The following SEMA6D variants were observed in gnomAD, a reference collection of about 807,000 sequenced individuals.
SEMA6D encodes semaphorin-6D.
Under a neutral mutation model 106.6 loss-of-function variants are expected in SEMA6D, and 35 were observed. The observed-to-expected ratio is 0.33, with a 90% confidence interval of 0.25 to 0.44. SEMA6D has a LOEUF of 0.44. Among genes scored for constraint, SEMA6D ranks in the 20% least tolerant of loss-of-function variants. The pLI, the probability that SEMA6D is intolerant of heterozygous loss-of-function variation, is 1.00. For synonymous variants in SEMA6D, 499 were observed against 487.7 expected (o/e 1.02, Z -0.31); for missense variants, 1,185 against 1,345.9 (o/e 0.88, Z 1.87).
chr15:47,281,790 A>G (rs1283512256), intron 1 of SEMA6D, among the ~76,000 whole-genome samples: 1 of 152,148 alleles, frequency 6.6e-6, no homozygotes, highest in East Asian at 1.9e-4. Context: ...TTGTTGTAAC[A>G]TTCTGGAACC....
chr15:47,377,008 T>TG (rs2145531870), intron 1 of SEMA6D, among the ~76,000 whole-genome samples: 1 of 152,328 alleles, frequency 6.6e-6, no homozygotes, highest in African/African-American at 2.4e-5. Flanking sequence ...TATAATTACT[T>TG]GCCAGGCAGC....
intron 1 of SEMA6D, among the ~76,000 whole-genome samples, chr15:47,378,123 G>T (rs1478406144): frequency 6.6e-6 from 1 of 152,154 alleles, no homozygotes. Context: ...AGCAAGGGTG[G>T]CTTCCAAAAG....
intron 2 of SEMA6D, among the ~76,000 whole-genome samples, chr15:47,413,856 C>A (rs2040876898): frequency 6.6e-6 from 1 of 152,146 alleles, no homozygotes; most frequent in Admixed American, 6.6e-5. Context: ...GTGCACTGAG[C>A]AAAATGTGAC....
intron 4 of SEMA6D, among the ~76,000 whole-genome samples, chr15:47,708,727 A>T (rs2078960754): frequency 6.6e-6 from 1 of 152,216 alleles, no homozygotes; most frequent in South Asian, 2.1e-4. Flanking sequence ...AAAACATGTT[A>T]ATAAAGTTAC....
intron 1 of SEMA6D, among the ~76,000 whole-genome samples, chr15:47,301,620 G>A (rs1025889658): frequency 6.6e-6 from 1 of 152,230 alleles, no homozygotes; most frequent in Admixed American, 6.5e-5. Flanking sequence ...GCTGCCTTTA[G>A]CAGGAAGCAG....
At chr15:47,336,486 T>C (rs74367902) in intron 1 of SEMA6D, among the ~76,000 whole-genome samples, 2,511 of 152,296 alleles carry the variant, frequency 0.016, 61 homozygotes, top group African/African-American at 0.057. Flanking sequence ...CTACTGGGAC[T>C]TTGGACTGGA....
intron 1 of SEMA6D, among the ~76,000 whole-genome samples, chr15:47,275,382 T>G (rs999011288): frequency 2.6e-5 from 4 of 152,184 alleles, no homozygotes; most frequent in African/African-American, 9.7e-5. Context: ...AGATGTTGCA[T>G]TTTTTACAAA....
intron 3 of SEMA6D, among the ~76,000 whole-genome samples, chr15:47,590,351 C>G (rs1002273325): frequency 1.9e-5 from 2 of 107,466 alleles, no homozygotes; most frequent in African/African-American, 3.7e-5. Flanking sequence ...AGACACAGGG[C>G]GGGGAACATC....
intron 1 of SEMA6D, among the ~76,000 whole-genome samples, chr15:47,366,289 G>A (rs1015280764): frequency 4.6e-5 from 7 of 152,130 alleles, no homozygotes; most frequent in African/African-American, 1.7e-4. Context: ...GTGACTTCAG[G>A]GGAGCCATTC....
chr15:47,382,512 G>GA (rs1164146039), intron 1 of SEMA6D, among the ~76,000 whole-genome samples: 8 of 147,964 alleles, frequency 5.4e-5, no homozygotes, highest in African/African-American at 9.9e-5. Flanking sequence ...GTCTCAAAAA[G>GA]AAAAAAAAAG....
Position 47,506,892 on chromosome 15 carries a change from C to T in SEMA6D, c.-87+36347C>T, listed in dbSNP as rs922989372. ...AGCGACTGCAACAACAATAGCTACA[C>T]TCATCCTCTAATCCAAGCATAAAGT... On this transcript the variant is annotated intron_variant, in intron 3 of 19. Transcript: ENST00000558014. Among the ~76,000 whole-genome samples, 10 of 152,186 alleles carry T rather than the reference C, an allele frequency of 6.6e-5. No individual in the cohort carries two copies. In the East Asian group the frequency reaches 1.2e-3, roughly 18 times the overall value.
intron 1 of SEMA6D, among the ~76,000 whole-genome samples, chr15:47,275,591 C>T (rs2142355328): frequency 6.6e-6 from 1 of 152,180 alleles, no homozygotes; most frequent in African/African-American, 2.4e-5. Context: ...ATAACCTGTG[C>T]CCATATTAGG....
At chr15:47,552,084 T>C (rs2045712576) in intron 3 of SEMA6D, among the ~76,000 whole-genome samples, 1 of 152,072 alleles carries the variant, frequency 6.6e-6, no homozygotes, top group Admixed American at 6.6e-5. Context: ...CAGCGCTATG[T>C]ACAATAGTGA....
intron 4 of SEMA6D, among the ~76,000 whole-genome samples, chr15:47,685,896 G>A (rs770351974): frequency 3.1e-4 from 47 of 152,156 alleles, no homozygotes; most frequent in Admixed American, 5.2e-4. Context: ...AAACCAGAGG[G>A]AAACATTGCC....
chr15:47,508,032 T>A (rs775516522), intron 3 of SEMA6D, among the ~76,000 whole-genome samples: 14 of 152,302 alleles, frequency 9.2e-5, no homozygotes, highest in Middle Eastern at 3.4e-3. Context: ...CATGCAATAC[T>A]GCCTATGAAA....
intron 1 of SEMA6D, among the ~76,000 whole-genome samples, chr15:47,737,448 GA>G (rs1038421179): frequency 6.6e-6 from 1 of 152,208 alleles, no homozygotes; most frequent in South Asian, 2.1e-4. Flanking sequence ...TTTTAAAGGG[GA>G]AAAATCTAAA....
chr15:47,688,373 G>A (rs917452382), intron 4 of SEMA6D, among the ~76,000 whole-genome samples: 6 of 152,010 alleles, frequency 3.9e-5, no homozygotes, highest in African/African-American at 1.4e-4. Context: ...AAAAAATATT[G>A]AATAAAGCAT....
At chr15:47,688,835 A>G (rs1371301298) in intron 4 of SEMA6D, among the ~76,000 whole-genome samples, 3 of 152,194 alleles carry the variant, frequency 2.0e-5, no homozygotes, top group Non-Finnish European at 4.4e-5. Context: ...CACATTACCA[A>G]TATATCTCAG....
rs369786904 is a variant in SEMA6D, at chr15:47,608,812, C to T, written c.-55+7916C>T. Among the ~76,000 whole-genome samples the T allele has an allele frequency of 1.6e-4, 24 of 152,242 alleles. No individual in the cohort carries two copies. The East Asian group carries it at 3.5e-3, about 22-fold the overall frequency. ...TTGTTTCTGGTACAATTAAATGGAA[C>T]ATTTGTAATGTTGAATCCTTTTACC... On this transcript the variant is annotated intron_variant, in intron 4 of 19. Transcript: ENST00000558014.
Sources: allele counts gnomAD v4.1 joint callset (sites outside exome capture counted in the v4.1 genomes callset), GRCh38; gene constraint gnomAD v4.1.1; transcripts MANE v1.5; gene names NCBI Gene and HGNC (gene_info 2026-07-23, HGNC 2026-07-21).